Variants in DMD observed in about 807,000 individuals in gnomAD.
The protein encoded by DMD is dystrophin, also known as mutant dystrophin.
DMD carries 63 observed loss-of-function variants against 330.1 expected under a neutral mutation model. The observed-to-expected ratio is 0.19, with a 90% CI of 0.16 to 0.24. The LOEUF (loss-of-function observed/expected upper bound fraction) is 0.24. DMD is among the 10% of genes least tolerant of loss of function. The pLI, the probability that DMD is intolerant of heterozygous loss-of-function variation, is 1.00. For synonymous variants in DMD, 1,223 were observed against 959.8 expected, an observed-to-expected ratio of 1.27 and a Z score of -5.07; for missense variants, 3,344 against 2,684.1, an observed-to-expected ratio of 1.25 and a Z score of -5.43.
At chrX:32,397,545 A>T (rs16998285) in intron 30 of DMD, among the ~76,000 whole-genome samples, 15,251 of 111,560 alleles carry the variant, frequency 0.14, 900 homozygotes, top group African/African-American at 0.21. Context: ...ATTCCATTAT[A>T]AAAAAGGCAT....
At chrX:32,301,191 T>C (rs1249675889) in intron 42 of DMD, among the ~76,000 whole-genome samples, 1 of 90,115 alleles carries the variant, frequency 1.1e-5, no homozygotes, top group Non-Finnish European at 2.2e-5. Flanking sequence ...CGCTCTTTCA[T>C]ACAATTGTTC....
At chrX:31,594,868 G>A (rs547885852) in intron 55 of DMD, among the ~76,000 whole-genome samples, 1 of 110,997 alleles carries the variant, frequency 9.0e-6, no homozygotes. Flanking sequence ...CCCTTTCACA[G>A]TAATCTCAAA....
intron 1 of DMD, among the ~76,000 whole-genome samples, chrX:33,076,127 AC>A (rs199703354): frequency 0.074 from 8,088 of 109,132 alleles, 746 homozygotes; most frequent in African/African-American, 0.26. Context: ...TCATCCTATG[AC>A]CCCCCACTCA....
intron 63 of DMD, among the ~76,000 whole-genome samples, chrX:31,238,115 G>C (rs1221882587): frequency 9.0e-6 from 1 of 111,589 alleles, no homozygotes; most frequent in Admixed American, 9.5e-5. Context: ...TCCAAGAATC[G>C]GGCAGACTCT....
intron 21 of DMD, among the ~76,000 whole-genome samples, chrX:32,481,742 A>G (rs183423791): frequency 1.4e-3 from 162 of 112,109 alleles, no homozygotes; most frequent in African/African-American, 5.0e-3. Context: ...TTCAGACGCC[A>G]AAGTAATTAT....
intron 74 of DMD, among the ~76,000 whole-genome samples, chrX:31,162,356 T>TAAAAAAAAAACAAAAAAAA (rs2038923472): frequency 2.0e-5 from 1 of 50,608 alleles, no homozygotes; most frequent in African/African-American, 6.6e-5. Context: ...ATGAAAAATC[T>TAAAAAAAAAACAAAAAAAA]AAAAAAAAAA....
chrX:33,188,768 T>G (rs1251821018), intron 1 of DMD, among the ~76,000 whole-genome samples: 1 of 111,786 alleles, frequency 8.9e-6, no homozygotes, highest in African/African-American at 3.3e-5. Context: ...TAGTTGGAGA[T>G]AGGGTCTTTA....
rs1235512212 is a variant in DMD at position 32,244,606 on chromosome X, A to G, written c.6291-27543T>C. Among the ~76,000 whole-genome samples, 425 of 85,592 alleles carry G rather than the reference A, an allele frequency of 5.0e-3. 7 individuals carry two copies. The highest frequency in any genetic ancestry group is 7.8e-3 in the Non-Finnish European group (346 of 44,526). 74.3% of individuals were successfully genotyped at this position (85,592 alleles called of 115,157 possible). A position where few individuals can be genotyped will look rare whatever the true frequency, so the allele number is the denominator to read the frequency against. Reference sequence around the variant, plus strand: ...TGTAAAAGTGTTCCTATTTCTCCACATCCTCTCCAGCACCTGTTGTTTCCT... The same window carrying G: ...TGTAAAAGTGTTCCTATTTCTCCACGTCCTCTCCAGCACCTGTTGTTTCCT... On this transcript the variant is annotated intron_variant, in intron 43 of 78. Coordinates refer to ENST00000357033, the MANE Select transcript of DMD (RefSeq NM_004006.3).
chrX:32,477,357 A>AGT (rs1308420322), intron 21 of DMD, among the ~76,000 whole-genome samples: 1 of 110,851 alleles, frequency 9.0e-6, no homozygotes, highest in Non-Finnish European at 1.9e-5. Flanking sequence ...GAGGGATGGA[A>AGT]GTGATAAAGT....
chrX:31,672,728 T>C (rs1489456951), intron 53 of DMD, among the ~76,000 whole-genome samples: 2 of 111,999 alleles, frequency 1.8e-5, no homozygotes, highest in African/African-American at 6.5e-5. Context: ...TTCCACTGAG[T>C]TCTTATTTAC....
Position 32,401,206 on chromosome X carries a change from A to G in DMD, c.4233+10546T>C, listed in dbSNP as rs755833663. ...TGGGGTGGGGGGAGGGGGGAGGGAT[A>G]GCATTGGGAGATATACCTAATGCTA... On this transcript the variant is annotated intron_variant, in intron 30 of 78. Transcript: ENST00000357033. 5.7e-5 allele frequency among the ~76,000 whole-genome samples: 6 copies of G among 104,925 alleles called. No homozygotes were observed. In the South Asian group the frequency reaches 1.9e-3, roughly 33 times the overall value. The allele number at this position is 104,925 out of a possible 115,157, so 91.1% of individuals were successfully genotyped here.
intron 7 of DMD, among the ~76,000 whole-genome samples, chrX:32,731,701 C>A (rs966257262): frequency 4.9e-4 from 55 of 111,762 alleles, no homozygotes. Context: ...AGCTGAGGGT[C>A]CTGTCTGTTA....
intron 54 of DMD, among the ~76,000 whole-genome samples, chrX:31,644,449 C>T (rs1037800784): frequency 8.9e-6 from 1 of 111,880 alleles, no homozygotes; most frequent in Non-Finnish European, 1.9e-5. Context: ...CACAGACTCT[C>T]TGTGCCTCAG....
At chrX:32,145,100 A>G (rs1034323084) in intron 44 of DMD, among the ~76,000 whole-genome samples, 15 of 112,112 alleles carry the variant, frequency 1.3e-4, no homozygotes, top group African/African-American at 4.2e-4. Flanking sequence ...GTATATAATC[A>G]TAAATGAAAA....
intron 16 of DMD, among the ~76,000 whole-genome samples, chrX:32,559,514 C>A (rs1344641930): frequency 9.1e-6 from 1 of 110,459 alleles, no homozygotes; most frequent in African/African-American, 3.3e-5. Context: ...ACTTACTGGC[C>A]AAAAAAGAAG....
chrX:31,745,834 AGT>A (rs1350671399), intron 51 of DMD, among the ~76,000 whole-genome samples: 1 of 112,445 alleles, frequency 8.9e-6, no homozygotes, highest in African/African-American at 3.2e-5. Flanking sequence ...AGACTTTCAG[AGT>A]GTGAGAAGAA....
At chrX:33,001,636 G>A (rs1271642153) in intron 2 of DMD, among the ~76,000 whole-genome samples, 1 of 111,254 alleles carries the variant, frequency 9.0e-6, no homozygotes, top group Non-Finnish European at 1.9e-5. Flanking sequence ...ACTGTCTAAT[G>A]TTACATAGAA....
At chrX:31,931,525 T>TC (rs1371862969) in intron 46 of DMD, among the ~76,000 whole-genome samples, 1 of 110,435 alleles carries the variant, frequency 9.1e-6, no homozygotes, top group East Asian at 2.9e-4. Flanking sequence ...AAACATTGCT[T>TC]CGGGGGAATA....
chrX:31,735,909 C>T (rs1406513840), intron 51 of DMD, among the ~76,000 whole-genome samples: 3 of 111,920 alleles, frequency 2.7e-5, no homozygotes, highest in South Asian at 3.7e-4. Flanking sequence ...GCTTCTTGAA[C>T]GTATAACTTG....
Sources: allele counts gnomAD v4.1 joint callset (sites outside exome capture counted in the v4.1 genomes callset), GRCh38; gene constraint gnomAD v4.1.1; transcripts MANE v1.5; gene names NCBI Gene and HGNC (gene_info 2026-07-23, HGNC 2026-07-21).